NLRC4: variants seen among roughly 807,000 people sequenced by gnomAD.
The protein encoded by NLRC4 is NLR family CARD domain-containing protein 4.
Under a neutral mutation model 79.9 loss-of-function variants are expected in NLRC4, and 63 were observed. The observed-to-expected ratio is 0.79, with a 90% CI of 0.64 to 0.97. The LOEUF is 0.97. Ranked by LOEUF, NLRC4 falls within the 50% of genes least tolerant of loss-of-function variation. The pLI, the probability that NLRC4 is intolerant of heterozygous loss-of-function variation, is 0.00. For missense variants in NLRC4, 1,074 were observed against 1,215.2 expected, an observed-to-expected ratio of 0.88 and a Z score of 1.73; for synonymous variants, 461 against 456.5, an observed-to-expected ratio of 1.01 and a Z score of -0.12.
At chr2:32,240,816 C>A (rs1038451269) in intron 5 of NLRC4, among the ~76,000 whole-genome samples, 2 of 152,182 alleles carry the variant, frequency 1.3e-5, no homozygotes, top group Non-Finnish European at 2.9e-5. Context: ...CAGGGGCTCT[C>A]TTCCCAAAAG....
chr2:32,261,124 C>T (rs897621657), intron 1 of NLRC4, among the ~76,000 whole-genome samples: 58 of 149,988 alleles, frequency 3.9e-4, no homozygotes, highest in Non-Finnish European at 6.2e-4. Context: ...ACCCGGGGGG[C>T]GGAGCTTGCA....
intron 8 of NLRC4, among the ~76,000 whole-genome samples, 184 bp downstream of exon 8, chr2:32,235,217 G>C (rs1686644135): frequency 6.6e-6 from 1 of 152,156 alleles, no homozygotes; most frequent in African/African-American, 2.4e-5. Flanking sequence ...AAAGGAAATA[G>C]AATCTGAAGG....
At chr2:32,261,315 C>CTTTTTTTTTTTTTTTTTTTT (rs1558464069) in intron 1 of NLRC4, among the ~76,000 whole-genome samples, 5 of 81,506 alleles carry the variant, frequency 6.1e-5, no homozygotes, top group African/African-American at 2.4e-4. Flanking sequence ...AAGCCTCCCC[C>CTTTTTTTTTTTTTTTTTTTT]CTTTTGTTTT....
In NLRC4 at chr2:32,249,689, G is replaced by A. The variant is rs374732752; in HGVS notation, c.2175C>T (p.Thr725=). 2.5e-6 allele frequency: 4 copies of A among 1,613,980 alleles called. No homozygotes were observed. Among genetic ancestry groups the A allele is most frequent in the Non-Finnish European group, 3.4e-6 (4 of 1,179,886 alleles). ...ATGTGATGTGCCTCTCATCTTCTAT[G>A]GTGAGGGGACTGGCTTCCACCATGA... is the stretch of plus-strand genomic sequence containing the variant. ...YSLMVEASPL[T]IEDERHITSV... The change falls in exon 4 of 9, where the codon ACC becomes ACT. Residue 725 remains threonine, a synonymous_variant. Transcript: ENST00000402280.
chr2:32,250,265 A>T lies in NLRC4; in HGVS notation c.1599T>A (p.Ser533=). 1 of 1,614,194 alleles carries T rather than the reference A, an allele frequency of 6.2e-7. No individual in the cohort carries two copies. Among genetic ancestry groups the T allele is most frequent in the Non-Finnish European group, 8.5e-7 (1 of 1,180,032 alleles). The change falls in exon 4 of 9, where the codon TCT becomes TCA. Residue 533 remains serine (S), a synonymous_variant. Transcript: ENST00000402280. The surrounding 1 kb of genome is among the most constrained non-coding windows in gnomAD (Gnocchi z 4.9). ...IAKRPLWRQE[S]LQSVKNTTEQ... ...CAGTGGTGTTTTTCACACTTTGCAA[A>T]GATTCCTGTCTCCAGAGAGGCCTCT...
intron 4 of NLRC4, among the ~76,000 whole-genome samples, chr2:32,244,230 A>T (rs985301131): frequency 6.6e-6 from 1 of 152,208 alleles, no homozygotes; most frequent in Admixed American, 6.5e-5. Flanking sequence ...AGCCTGGGTG[A>T]CAGAACAAGA....
Position 32,250,582 on chromosome 2 carries a change from A to G in NLRC4, c.1282T>C (p.Cys428Arg). 6.2e-7 allele frequency: 1 copy of G among 1,614,226 alleles called. No homozygotes were observed. The highest frequency in any genetic ancestry group is 8.5e-7 in the Non-Finnish European group (1 of 1,180,040). The part of the protein sequence containing the change: ...EDVLLTTGLL[C>R]KYTAQRFKPK... The stretch of plus-strand genomic sequence containing the variant: ...TTGAACCTTTGAGCTGTATATTTAC[A>G]GAGGAGCCCAGTTGTCAGCAGGACA... The change falls in exon 4 of 9, where the codon TGT becomes CGT. Residue 428 changes from cysteine to arginine, a missense_variant. Physicochemically the swap from Cys to Arg is radical, Grantham distance 180. Transcript: ENST00000402280. This position sits in a 1 kb window ranked among gnomAD's most constrained non-coding sequence, Gnocchi z 4.9.
chr2:32,239,056 G>GA (rs1442147134), intron 5 of NLRC4, among the ~76,000 whole-genome samples: 1 of 152,092 alleles, frequency 6.6e-6, no homozygotes, highest in Non-Finnish European at 1.5e-5. Context: ...AGTGATAGGC[G>GA]AATCACCTGA....
intron 4 of NLRC4, among the ~76,000 whole-genome samples, chr2:32,246,693 G>A (rs548268120): frequency 1.3e-5 from 2 of 152,346 alleles, no homozygotes; most frequent in South Asian, 4.1e-4. Flanking sequence ...TACCCAGAAA[G>A]ATTGCCCTCG....
chr2:32,256,693 A>G, intron 2 of NLRC4, 82 bp downstream of exon 2: 1 of 765,790 alleles, frequency 1.3e-6, no homozygotes, highest in Non-Finnish European at 2.4e-6. Flanking sequence ...AGAGGAAGCC[A>G]TGAACTGATT....
intron 5 of NLRC4, 37 bp from the exon 6 acceptor site, chr2:32,238,339 A>C (rs1558449859): frequency 2.6e-6 from 4 of 1,536,546 alleles, no homozygotes; most frequent in Non-Finnish European, 3.6e-6. Flanking sequence ...TAGGATACCA[A>C]GTTAATTCGA....
At chr2:32,253,011 C>T (rs1371804028) in intron 2 of NLRC4, among the ~76,000 whole-genome samples, 3 of 151,620 alleles carry the variant, frequency 2.0e-5, no homozygotes, top group African/African-American at 4.8e-5. Flanking sequence ...GAGCGAGACT[C>T]CGTCTAAAAA....
Position 32,250,174 on chromosome 2 carries a change from C to T in NLRC4, c.1690G>A (p.Glu564Lys). 1 of 1,614,194 alleles carries T rather than the reference C, an allele frequency of 6.2e-7. No individual in the cohort carries two copies. Among genetic ancestry groups the T allele is most frequent in the Non-Finnish European group, 8.5e-7 (1 of 1,180,040 alleles). ...FVECGIHLYQ[E>K]STSKSALSQE... ...CTCAGGGCTGATTTGGATGTACTCTCTTGATATAAATGGATGCCACACTCT... is the reference window on the plus strand; with the variant it reads ...CTCAGGGCTGATTTGGATGTACTCTTTTGATATAAATGGATGCCACACTCT... The change falls in exon 4 of 9, where the codon GAG becomes AAG. Residue 564 changes from glutamate (E) to lysine (K), a missense_variant. Physicochemically the swap from Glu to Lys is moderately conservative, Grantham distance 56. Transcript: ENST00000402280. This position sits in a 1 kb window ranked among gnomAD's most constrained non-coding sequence, Gnocchi z 4.9.
At chr2:32,234,568 A>C (rs1469419046) in intron 8 of NLRC4, among the ~76,000 whole-genome samples, 1 of 152,220 alleles carries the variant, frequency 6.6e-6, no homozygotes, top group Non-Finnish European at 1.5e-5. Context: ...TAATGTTTCC[A>C]TACGCTGGAT....
At chr2:32,230,596 C>T (rs1686510639) in intron 8 of NLRC4, among the ~76,000 whole-genome samples, 1 of 152,044 alleles carries the variant, frequency 6.6e-6, no homozygotes, top group Admixed American at 6.6e-5. Context: ...CTCAGCCTCC[C>T]AAGTAGCTGG....
At chr2:32,233,351 T>TATA (rs1448102690) in intron 8 of NLRC4, among the ~76,000 whole-genome samples, 73 of 22,592 alleles carry the variant, frequency 3.2e-3, no homozygotes, top group South Asian at 3.9e-3. Flanking sequence ...ATATATATAT[T>TATA]TTTTTTTTTT....
intron 8 of NLRC4, among the ~76,000 whole-genome samples, chr2:32,227,010 G>T (rs1686418748): frequency 1.3e-5 from 2 of 152,206 alleles, no homozygotes; most frequent in African/African-American, 4.8e-5. Flanking sequence ...GCTATTAGGT[G>T]TGGCTAAATT....
chr2:32,228,214 A>G (rs1387616429), intron 8 of NLRC4, among the ~76,000 whole-genome samples: 3 of 152,164 alleles, frequency 2.0e-5, no homozygotes, highest in African/African-American at 7.2e-5. Context: ...GTACCCTGGG[A>G]GCACACAAAA....
At chr2:32,249,491 A>G in intron 4 of NLRC4, 116 bp downstream of exon 4, 1 of 872,534 alleles carries the variant, frequency 1.1e-6, no homozygotes, top group Non-Finnish European at 1.7e-6. Context: ...TGGGATGGCC[A>G]CCTTGCAGGC....
Sources: gnomAD v4.1 joint callset for allele counts (sites outside exome capture counted in the v4.1 genomes callset) on GRCh38, gnomAD v4.1.1 for gene constraint, Gnocchi (gnomAD v3.1) non-coding constraint, MANE v1.5 for transcripts, NCBI Gene and HGNC (gene_info 2026-07-23, HGNC 2026-07-21) for gene names.